The following GRIA2 variants were observed in gnomAD, a reference collection of about 807,000 sequenced individuals.
The protein encoded by GRIA2 is glutamate ionotropic receptor AMPA type subunit 2.
In GRIA2, 14 loss-of-function variants were observed where a neutral mutation model predicts 97.3. The observed-to-expected ratio is 0.14, with a 90% confidence interval of 0.10 to 0.23. GRIA2 has a LOEUF of 0.23. GRIA2 is among the 10% of genes least tolerant of loss of function. GRIA2 has a pLI of 1.00. For missense variants in GRIA2, 558 were observed against 1,069.8 expected (o/e 0.52, Z 6.67); for synonymous variants, 412 against 387.8 (o/e 1.06, Z -0.73).
intron 11 of GRIA2, among the ~76,000 whole-genome samples, chr4:157,340,748 C>A (rs1579377159): frequency 6.6e-6 from 1 of 151,866 alleles, no homozygotes; most frequent in East Asian, 1.9e-4. Flanking sequence ...GTTTTACATA[C>A]ACAAAATTAA....
At chr4:157,330,319 T>A (rs1221421410) in intron 6 of GRIA2, among the ~76,000 whole-genome samples, 1 of 151,932 alleles carries the variant, frequency 6.6e-6, no homozygotes, top group African/African-American at 2.4e-5. Context: ...TTAAAGAAAA[T>A]TTCTGAAAGT....
intron 2 of GRIA2, among the ~76,000 whole-genome samples, chr4:157,238,337 T>C (rs1345942019): frequency 6.6e-6 from 1 of 152,150 alleles, no homozygotes; most frequent in African/African-American, 2.4e-5. Context: ...GAACTTAATG[T>C]GGGCTTATTG....
At position 157,365,395 on chromosome 4, in the gene GRIA2, A is replaced by T. The variant is rs547504749; in HGVS notation, c.*1964A>T. ...ATATTGTACTTAAAATGAGTTTTTA[A>T]AAGTGAAAAAGAAATGACTATATAC... is the stretch of plus-strand genomic sequence containing the variant. On this transcript the variant is annotated 3_prime_UTR_variant, in exon 16 of 16. Transcript: ENST00000264426. 2.6e-5 allele frequency: 4 copies of T among 152,144 alleles called. No homozygotes were observed. The South Asian group carries it at 8.3e-4, about 32-fold the overall frequency. The allele number at this position is 152,144 out of a possible 1,614,324, so 9.4% of individuals were successfully genotyped here.
intron 2 of GRIA2, among the ~76,000 whole-genome samples, chr4:157,266,500 C>G (rs79925151): frequency 0.03 from 4,635 of 152,104 alleles, 79 homozygotes; most frequent in Middle Eastern, 0.085. Context: ...TTATGAGGAT[C>G]TCTGTGGAAT....
chr4:157,309,955 A>G (rs1734006390), intron 3 of GRIA2, among the ~76,000 whole-genome samples: 1 of 152,234 alleles, frequency 6.6e-6, no homozygotes. Context: ...TGTCTTTAAG[A>G]AGGTGACAAG....
intron 5 of GRIA2, among the ~76,000 whole-genome samples, chr4:157,320,777 A>G (rs1299799439): frequency 6.6e-6 from 1 of 152,156 alleles, no homozygotes; most frequent in Non-Finnish European, 1.5e-5. Context: ...GAGATATACT[A>G]TCAAGTTGAT....
intron 12 of GRIA2, among the ~76,000 whole-genome samples, chr4:157,348,153 T>G (rs573846165): frequency 1.3e-5 from 2 of 152,040 alleles, no homozygotes; most frequent in East Asian, 3.9e-4. Context: ...GTAATTTATA[T>G]TTTGCATTTC....
chr4:157,285,243 T>A (rs1424317363), intron 2 of GRIA2, among the ~76,000 whole-genome samples: 1 of 151,614 alleles, frequency 6.6e-6, no homozygotes, highest in East Asian at 1.9e-4. Flanking sequence ...CATTCTTAAT[T>A]TTATATTGGG....
At chr4:157,305,375 T>G (rs186434685) in intron 3 of GRIA2, among the ~76,000 whole-genome samples, 1 of 152,230 alleles carries the variant, frequency 6.6e-6, no homozygotes, top group East Asian at 1.9e-4. Flanking sequence ...AGTTCCACCC[T>G]TGTCTTTTTT....
At chr4:157,346,133 G>A (rs1409885973) in intron 12 of GRIA2, among the ~76,000 whole-genome samples, 1 of 151,890 alleles carries the variant, frequency 6.6e-6, no homozygotes, top group Non-Finnish European at 1.5e-5. Flanking sequence ...TTTTAAAGAT[G>A]TTAACCTTTT....
At chr4:157,305,001 A>G (rs940306916) in intron 3 of GRIA2, among the ~76,000 whole-genome samples, 1 of 152,166 alleles carries the variant, frequency 6.6e-6, no homozygotes, top group African/African-American at 2.4e-5. Flanking sequence ...CCCTGCTTTG[A>G]GAAGGGAGTG....
chr4:157,268,301 G>A (rs80197968), intron 2 of GRIA2, among the ~76,000 whole-genome samples: 2,485 of 152,014 alleles, frequency 0.016, 63 homozygotes, highest in African/African-American at 0.056. Context: ...GGTGCTTTAT[G>A]TTTTCATGTT....
At chr4:157,221,440 A>G in intron 1 of GRIA2, 1 of 580,944 alleles carries the variant, frequency 1.7e-6, no homozygotes, top group Non-Finnish European at 3.0e-6. Context: ...TTACATGGAA[A>G]GGTGAAGGTT....
At position 157,366,071 on chromosome 4, in the gene GRIA2, G is replaced by A. The variant is rs1482847173; in HGVS notation, c.*2640G>A. 3 of 151,298 alleles carry A rather than the reference G, an allele frequency of 2.0e-5. No individual in the cohort carries two copies. The highest frequency in any genetic ancestry group is 6.6e-5 in the Admixed American group (1 of 15,116). The allele number at this position is 151,298 out of a possible 1,614,324, so 9.4% of individuals were successfully genotyped here. A position where few individuals can be genotyped will look rare whatever the true frequency, so the allele number is the denominator to read the frequency against. ...TACATAAAACATGTTCTTACAAAAGGCAAAGATCTTTATTTTTTTTACTTA... is the reference window on the plus strand; with the variant it reads ...TACATAAAACATGTTCTTACAAAAGACAAAGATCTTTATTTTTTTTACTTA... On this transcript the variant is annotated 3_prime_UTR_variant, in exon 16 of 16. Coordinates refer to ENST00000264426, the MANE Select transcript of GRIA2 (RefSeq NM_001083619.3).
At chr4:157,316,247 G>C (rs1418893105) in intron 4 of GRIA2, among the ~76,000 whole-genome samples, 1 of 152,098 alleles carries the variant, frequency 6.6e-6, no homozygotes, top group Non-Finnish European at 1.5e-5. Context: ...TCATTCAGAA[G>C]GACATCTTTT....
At chr4:157,355,924 T>A (rs375067983) in intron 12 of GRIA2, among the ~76,000 whole-genome samples, 9 of 15,108 alleles carry the variant, frequency 6.0e-4, no homozygotes, top group East Asian at 3.0e-3. Context: ...TTAATATATT[T>A]ATATATATTT....
intron 4 of GRIA2, among the ~76,000 whole-genome samples, chr4:157,313,455 T>A (rs1484267827): frequency 6.6e-6 from 1 of 152,132 alleles, no homozygotes; most frequent in East Asian, 1.9e-4. Flanking sequence ...ACTAGATGCA[T>A]CCCCTTGGAC....
intron 2 of GRIA2, among the ~76,000 whole-genome samples, chr4:157,248,780 C>CTATATATATA: frequency 8.2e-6 from 1 of 122,344 alleles, no homozygotes; most frequent in African/African-American, 3.1e-5. Flanking sequence ...CTTTCTTTCA[C>CTATATATATA]TATATATATA....
intron 2 of GRIA2, among the ~76,000 whole-genome samples, chr4:157,297,178 G>A (rs987532938): frequency 6.6e-6 from 1 of 152,236 alleles, no homozygotes; most frequent in East Asian, 1.9e-4. Flanking sequence ...GCAATGTCAT[G>A]AGAGCTGGAG....
Sources: allele counts gnomAD v4.1 joint callset (sites outside exome capture counted in the v4.1 genomes callset), GRCh38; gene constraint gnomAD v4.1.1; transcripts MANE v1.5; gene names NCBI Gene and HGNC (gene_info 2026-07-23, HGNC 2026-07-21).